Variants in GCNT3 observed in about 807,000 individuals in gnomAD.
GCNT3 encodes glucosaminyl (N-acetyl) transferase 3, mucin type, also known as beta-1,3-galactosyl-O-glycosyl-glycoprotein beta-1,6-N-acetylglucosaminyltransferase 3.
For missense variants in GCNT3, 708 were observed against 530.3 expected, an observed-to-expected ratio of 1.34 and a Z score of -3.29; for synonymous variants, 269 against 195.2, an observed-to-expected ratio of 1.38 and a Z score of -3.15.
rs1238901390 is a variant in GCNT3 at position 59,619,402 on chromosome 15, G to T, written c.1164G>T (p.Arg388=). Residue 388 remains arginine, a synonymous_variant, in exon 3 of 3, where the codon CGG becomes CGT. Coordinates refer to ENST00000396065, the MANE Select transcript of GCNT3 (RefSeq NM_004751.3). ...PYAPCSGIHQ[R]AICVYGAGDL... is the part of the protein sequence containing the mutation. ...CTCCCTGCTCTGGAATCCACCAGCG[G>T]GCTATCTGCGTTTATGGGGCTGGGG... 5.6e-6 allele frequency: 9 copies of T among 1,613,940 alleles called. No individual in the cohort carries two copies. The African/African-American group carries it at 1.2e-4, about 22-fold the overall frequency.
chr15:59,618,569 G>A lies in GCNT3; in HGVS notation c.331G>A (p.Glu111Lys). The A allele has an allele frequency of 6.2e-7, 1 of 1,614,106 alleles. No homozygotes were observed. ...THYLSLTRDCEHFKAERKFIQ... is the reference protein window; with the variant it reads ...THYLSLTRDCKHFKAERKFIQ... ...CTACCTCTCCCTCACCAGAGACTGT[G>A]AGCACTTCAAGGCTGAAAGGAAGTT... Residue 111 changes from glutamate to lysine, a missense_variant, in exon 3 of 3, where the codon GAG (glutamate) becomes AAG (lysine). Glu to Lys is a moderately conservative substitution (Grantham distance 56). Transcript: ENST00000396065.
rs950675531 is a variant in GCNT3, at chr15:59,620,550, C to G, written c.*995C>G. 6.0e-6 allele frequency: 1 copy of G among 166,956 alleles called. No individual in the cohort carries two copies. The highest frequency in any genetic ancestry group is 1.5e-5 in the Non-Finnish European group (1 of 68,108). The allele number at this position is 166,956 out of a possible 1,614,324, so 10.3% of individuals were successfully genotyped here. ...GCCATCCTCATTTTGTTTATATTGC[C>G]AGGTTTGTGATTTTTCTGTAAAGGA... On this transcript the variant is annotated 3_prime_UTR_variant, in exon 3 of 3. Coordinates refer to ENST00000396065, the MANE Select transcript of GCNT3 (RefSeq NM_004751.3).
chr15:59,615,649 G>A (rs780681986), intron 1 of GCNT3, among the ~76,000 whole-genome samples: 4 of 151,830 alleles, frequency 2.6e-5, no homozygotes, highest in African/African-American at 9.7e-5. Flanking sequence ...TTGGGAGGCC[G>A]AGGTGGGAGG....
rs1426434027 is a variant in GCNT3 at position 59,619,680 on chromosome 15, GGCT to G, written c.*129_*131del. The G allele has an allele frequency of 2.1e-5, 15 of 701,090 alleles. No individual in the cohort carries two copies. The African/African-American group carries it at 2.5e-4, about 12-fold the overall frequency. The allele number at this position is 701,090 out of a possible 1,614,324, so 43.4% of individuals were successfully genotyped here. A position where few individuals can be genotyped will look rare whatever the true frequency, so the allele number is the denominator to read the frequency against. On this transcript the variant is annotated 3_prime_UTR_variant, in exon 3 of 3. Transcript: ENST00000396065. Reference sequence around the variant, plus strand: ...TTCGTGGCATCCTTTAGGATAAGAGGGCTGCTATTAGAGTGTGGGTAAGTAGAT... The same window carrying G: ...TTCGTGGCATCCTTTAGGATAAGAGGGCTATTAGAGTGTGGGTAAGTAGAT...
Position 59,620,816 on chromosome 15 carries a change from T to A in GCNT3, c.*1261T>A, listed in dbSNP as rs986549328. On this transcript the variant is annotated 3_prime_UTR_variant, in exon 3 of 3. Coordinates refer to ENST00000396065, the MANE Select transcript of GCNT3 (RefSeq NM_004751.3). ...AGAAATAAAAATAAACTAGGACTAT[T>A]CAGTTAAACCAGGATGTCTTATTAT... The A allele has an allele frequency of 6.1e-6, 1 of 164,832 alleles. No individual in the cohort carries two copies. The highest frequency in any genetic ancestry group is 2.4e-5 in the African/African-American group (1 of 41,112). 10.2% of individuals were successfully genotyped at this position (164,832 alleles called of 1,614,324 possible).
At chr15:59,616,047 C>G (rs1157373345) in intron 1 of GCNT3, among the ~76,000 whole-genome samples, 1 of 152,166 alleles carries the variant, frequency 6.6e-6, no homozygotes, top group African/African-American at 2.4e-5. Context: ...CCATGGGGCT[C>G]TCACTGAAGT....
chr15:59,617,776 A>G lies in GCNT3; in HGVS notation c.-60-403A>G, dbSNP rs529522552. Among the ~76,000 whole-genome samples the G allele has an allele frequency of 7.2e-4, 109 of 152,348 alleles. 1 individual carries two copies. Among genetic ancestry groups the G allele is most frequent in the South Asian group, 5.8e-3 (28 of 4,826 alleles). ...CCTTTAGGTTTCTAGAACCGATGCC[A>G]AGAGTCTGAATTTTATGGATTTTTC... On this transcript the variant is annotated intron_variant, in intron 2 of 2. Transcript: ENST00000396065.
At chr15:59,614,490 T>C (rs930980501) in intron 1 of GCNT3, among the ~76,000 whole-genome samples, 1 of 152,194 alleles carries the variant, frequency 6.6e-6, no homozygotes, top group African/African-American at 2.4e-5. Flanking sequence ...CCCATTTTAA[T>C]GGTTATTTCT....
rs145778748 is a variant in GCNT3 at position 59,618,435 on chromosome 15, G to A, written c.197G>A (p.Arg66Lys). The A allele has an allele frequency of 6.2e-7, 1 of 1,614,082 alleles. No homozygotes were observed. ...AATTTCCTGAAACTTCCAGCAAAGAGGTCTATCAACTGTTCAGGGGTCACC... is the reference window on the plus strand; with the variant it reads ...AATTTCCTGAAACTTCCAGCAAAGAAGTCTATCAACTGTTCAGGGGTCACC... ...LYNFLKLPAK[R>K]SINCSGVTRG... Residue 66 changes from arginine to lysine, a missense_variant, in exon 3 of 3, where the codon AGG (arginine) becomes AAG (lysine). Arg to Lys is a conservative substitution (Grantham distance 26). Coordinates refer to ENST00000396065, the MANE Select transcript of GCNT3 (RefSeq NM_004751.3).
At position 59,619,570 on chromosome 15, in the gene GCNT3, G is replaced by C. The variant is rs368957198; in HGVS notation, c.*15G>C. ...CTGAACTTTGAGACACACTATGAGA[G>C]CGTTGCTACCTGTGGGGCAAGAGCA... On this transcript the variant is annotated 3_prime_UTR_variant, in exon 3 of 3. Transcript: ENST00000396065. 4 of 1,481,374 alleles carry C rather than the reference G, an allele frequency of 2.7e-6. No homozygotes were observed. In the African/African-American group the frequency reaches 4.1e-5, roughly 15 times the overall value. The allele number at this position is 1,481,374 out of a possible 1,614,324, so 91.8% of individuals were successfully genotyped here.
intron 2 of GCNT3, 125 bp from the exon 3 acceptor site, chr15:59,618,054 C>T (rs1422535205): frequency 8.2e-6 from 4 of 490,212 alleles, no homozygotes; most frequent in Non-Finnish European, 1.4e-5. Flanking sequence ...TAAGGGGCTT[C>T]TAGGCAGGTC....
At position 59,618,479 on chromosome 15, in the gene GCNT3, G is replaced by A. The variant is rs1487288878; in HGVS notation, c.241G>A (p.Val81Met). ...GGTCACCCGAGGGGACCAAGAGGCA[G>A]TGCTTCAGGCTATTCTGAATAACCT... ...SGVTRGDQEA[V>M]LQAILNNLEV... Residue 81 changes from valine to methionine, a missense_variant, in exon 3 of 3, where the codon GTG becomes ATG. Val to Met is a conservative substitution (Grantham distance 21). Coordinates refer to ENST00000396065, the MANE Select transcript of GCNT3 (RefSeq NM_004751.3). 9.9e-6 allele frequency: 16 copies of A among 1,614,020 alleles called. No individual in the cohort carries two copies. The highest frequency in any genetic ancestry group is 1.3e-5 in the African/African-American group (1 of 74,918).
In GCNT3 at chr15:59,622,468, G is replaced by A. The variant is rs1430445608; in HGVS notation, c.*2913G>A. The A allele has an allele frequency of 1.3e-5, 2 of 151,992 alleles. No homozygotes were observed. Among genetic ancestry groups the A allele is most frequent in the Non-Finnish European group, 2.9e-5 (2 of 68,030 alleles). 9.4% of individuals were successfully genotyped at this position (151,992 alleles called of 1,614,324 possible). On this transcript the variant is annotated 3_prime_UTR_variant, in exon 3 of 3. Transcript: ENST00000396065. ...CTGATGACTAGTTGTATACACAGTG[G>A]GTGTGCCCTGAGAGGTCTGTTGCCA...
intron 2 of GCNT3, among the ~76,000 whole-genome samples, chr15:59,617,328 C>CA (rs777374318): frequency 2.0e-5 from 3 of 151,948 alleles, no homozygotes; most frequent in Non-Finnish European, 4.4e-5. Context: ...GGCTTGTAGA[C>CA]AAAAACACTG....
intron 2 of GCNT3, among the ~76,000 whole-genome samples, chr15:59,617,191 T>TTTTTTTA (rs1555392374): frequency 6.9e-6 from 1 of 145,764 alleles, no homozygotes; most frequent in South Asian, 2.3e-4. Context: ...TTTTTTTTTT[T>TTTTTTTA]AAAGGGGCTT....
intron 1 of GCNT3, chr15:59,615,166 G>T (rs1393088005): frequency 2.0e-5 from 3 of 152,240 alleles, no homozygotes; most frequent in African/African-American, 7.2e-5. Flanking sequence ...CAGCCGGCTG[G>T]AGGAGGGACT....
rs140912823 is a variant in GCNT3 at position 59,618,262 on chromosome 15, C to T, written c.24C>T (p.Cys8=). Residue 8 remains cysteine, a synonymous_variant, in exon 3 of 3, where the codon TGC becomes TGT. Transcript: ENST00000396065. MVQWKRL[C]QLHYLWALGC... The stretch of plus-strand genomic sequence containing the variant: ...CGATGGTTCAATGGAAGAGACTCTG[C>T]CAGCTGCATTACTTGTGGGCTCTGG... The T allele has an allele frequency of 1.2e-5, 19 of 1,582,938 alleles. No individual in the cohort carries two copies. The highest frequency in any genetic ancestry group is 2.1e-4 in the Middle Eastern group (1 of 4,734).
At position 59,621,338 on chromosome 15, in the gene GCNT3, C is replaced by T. The variant is rs1229051184; in HGVS notation, c.*1783C>T. ...ATACACACATACAGCACGCTACCTC[C>T]CAAGTGTTACCTAGTGAAACAGTTT... On this transcript the variant is annotated 3_prime_UTR_variant, in exon 3 of 3. Coordinates refer to ENST00000396065, the MANE Select transcript of GCNT3 (RefSeq NM_004751.3). 1 of 152,018 alleles carries T rather than the reference C, an allele frequency of 6.6e-6. No homozygotes were observed. The highest frequency in any genetic ancestry group is 6.6e-5 in the Admixed American group (1 of 15,254). The allele number at this position is 152,018 out of a possible 1,614,324, so 9.4% of individuals were successfully genotyped here. A position where few individuals can be genotyped will look rare whatever the true frequency, so the allele number is the denominator to read the frequency against.
rs1890945666 is a variant in GCNT3 at position 59,622,010 on chromosome 15, A to G, written c.*2455A>G. Reference sequence around the variant, plus strand: ...CTGTGTCTGACACAGTGAATTTTTTATTTATAAGGTAGTTACTTTTGGCCA... The same window carrying G: ...CTGTGTCTGACACAGTGAATTTTTTGTTTATAAGGTAGTTACTTTTGGCCA... On this transcript the variant is annotated 3_prime_UTR_variant, in exon 3 of 3. Coordinates refer to ENST00000396065, the MANE Select transcript of GCNT3 (RefSeq NM_004751.3). The G allele has an allele frequency of 6.6e-6, 1 of 151,184 alleles. No homozygotes were observed. The highest frequency in any genetic ancestry group is 2.1e-4 in the South Asian group (1 of 4,732). The allele number at this position is 151,184 out of a possible 1,614,324, so 9.4% of individuals were successfully genotyped here. A position where few individuals can be genotyped will look rare whatever the true frequency, so the allele number is the denominator to read the frequency against.
Sources: allele counts gnomAD v4.1 joint callset (sites outside exome capture counted in the v4.1 genomes callset), GRCh38; gene constraint gnomAD v4.1.1; transcripts MANE v1.5; gene names NCBI Gene and HGNC (gene_info 2026-07-23, HGNC 2026-07-21).